The following SLC4A5 variants were observed in gnomAD, a reference collection of about 807,000 sequenced individuals.
The protein encoded by SLC4A5 is electrogenic sodium bicarbonate cotransporter 4.
A neutral mutation model predicts 120.4 loss-of-function variants in SLC4A5; 96 were observed. That is an observed-to-expected ratio of 0.80 (90% confidence interval 0.68 to 0.94). The LOEUF (loss-of-function observed/expected upper bound fraction) is 0.94, where lower values mean the gene tolerates loss of function less well. Among genes scored for constraint, SLC4A5 ranks in the 40% least tolerant of loss-of-function variants. The pLI is 0.00. For synonymous variants in SLC4A5, 550 were observed against 571.1 expected, an observed-to-expected ratio of 0.96 and a Z score of 0.53; for missense variants, 1,259 against 1,459.5, an observed-to-expected ratio of 0.86 and a Z score of 2.24.
intron 6 of SLC4A5, among the ~76,000 whole-genome samples, chr2:74,310,251 G>A (rs189671782): frequency 2.6e-5 from 4 of 152,210 alleles, no homozygotes; most frequent in African/African-American, 9.6e-5. Context: ...TGTGAACAAA[G>A]ATGTTTTATT....
intron 20 of SLC4A5, among the ~76,000 whole-genome samples, chr2:74,241,370 ATTCTTGTGCCTCAGCCTCTTG>A (rs1449890763): frequency 6.6e-6 from 1 of 151,478 alleles, no homozygotes; most frequent in Non-Finnish European, 1.5e-5. Context: ...GGTTCAAACA[ATTCTTGTGCCTCAGCCTCTTG>A]AGTAGCTGGG....
intron 23 of SLC4A5, 37 bp downstream of exon 23, chr2:74,233,361 GAAGA>G (rs1471218441): frequency 6.2e-7 from 1 of 1,607,686 alleles, no homozygotes; most frequent in Non-Finnish European, 8.5e-7. Context: ...GACTTTGTGG[GAAGA>G]AAGAGGTTAT....
At chr2:74,329,734 G>A (rs1049480240) in intron 4 of SLC4A5, among the ~76,000 whole-genome samples, 16 of 151,992 alleles carry the variant, frequency 1.1e-4, no homozygotes, top group African/African-American at 3.4e-4. Context: ...ATGGGGTATA[G>A]ATGGAGGTTC....
chr2:74,241,869 C>A (rs368955090), intron 20 of SLC4A5, 125 bp downstream of exon 20: 2 of 720,948 alleles, frequency 2.8e-6, no homozygotes, highest in African/African-American at 3.5e-5. Flanking sequence ...GTGACCCTGA[C>A]GTGCAGCTGG....
exon 31 of SLC4A5, chr2:74,217,967 C>T (rs2103853819): frequency 6.6e-6 from 1 of 152,390 alleles, no homozygotes; most frequent in Admixed American, 6.5e-5. Flanking sequence ...CCACACCCGG[C>T]TAATTTTTTG....
In SLC4A5 at chr2:74,285,921, A is replaced by T. The variant is rs1268703381; in HGVS notation, c.272-19T>A. The T allele has an allele frequency of 3.2e-6, 5 of 1,570,070 alleles. No individual in the cohort carries two copies. In the South Asian group the frequency reaches 5.8e-5, roughly 18 times the overall value. On this transcript the variant is annotated intron_variant, in intron 7 of 30. Coordinates refer to ENST00000394019, the Ensembl canonical transcript of SLC4A5. ...GGGGACCCTGCAAAAGAGGGGCAGCAGGTCTGCTGAGTGTCCCATGGAAGG... is the reference window on the plus strand; with the variant it reads ...GGGGACCCTGCAAAAGAGGGGCAGCTGGTCTGCTGAGTGTCCCATGGAAGG...
At chr2:74,300,033 AT>A (rs1445202616) in intron 7 of SLC4A5, among the ~76,000 whole-genome samples, 1 of 152,266 alleles carries the variant, frequency 6.6e-6, no homozygotes, top group Non-Finnish European at 1.5e-5. Context: ...ATGGAATATT[AT>A]TCAGCCATAA....
chr2:74,279,400 A>C (rs1171325083), intron 8 of SLC4A5, among the ~76,000 whole-genome samples: 4 of 152,056 alleles, frequency 2.6e-5, no homozygotes, highest in African/African-American at 4.8e-5. Context: ...TTTCCAGGAC[A>C]AAGCCCTCCT....
intron 17 of SLC4A5, among the ~76,000 whole-genome samples, chr2:74,249,374 T>A (rs1017260790): frequency 1.8e-4 from 28 of 152,098 alleles, no homozygotes; most frequent in African/African-American, 6.3e-4. Flanking sequence ...TAAGAAACAG[T>A]GTCCCAGGAA....
At chr2:74,325,836 G>T (rs552668752) in intron 5 of SLC4A5, among the ~76,000 whole-genome samples, 1 of 126,442 alleles carries the variant, frequency 7.9e-6, no homozygotes, top group Admixed American at 9.7e-5. Flanking sequence ...CCTAAGGAAA[G>T]AAGGAAGAAG....
chr2:74,300,336 TACC>T (rs1347403611), intron 7 of SLC4A5, among the ~76,000 whole-genome samples: 1 of 152,190 alleles, frequency 6.6e-6, no homozygotes, highest in African/African-American at 2.4e-5. Context: ...TAAGTGTTCT[TACC>T]ATACACTCGC....
intron 11 of SLC4A5, 67 bp from the exon 12 acceptor site, chr2:74,259,710 C>T: frequency 1.4e-6 from 2 of 1,473,848 alleles, no homozygotes; most frequent in South Asian, 1.1e-5. Flanking sequence ...TTCCTATGGG[C>T]CCTACTCATG....
intron 9 of SLC4A5, 98 bp downstream of exon 9, chr2:74,265,006 G>A (rs1009856948): frequency 3.0e-5 from 40 of 1,347,056 alleles, no homozygotes; most frequent in African/African-American, 1.9e-4. Context: ...TGTCAGAGAC[G>A]GGCCGTCACA....
chr2:74,269,930 T>G (rs1274839198), intron 8 of SLC4A5, among the ~76,000 whole-genome samples: 1 of 152,234 alleles, frequency 6.6e-6, no homozygotes, highest in Non-Finnish European at 1.5e-5. Context: ...AGCAAAGACA[T>G]GCAGTCCTCT....
At chr2:74,218,448 T>C (rs1694511794) in exon 31 of SLC4A5, 1 of 152,232 alleles carries the variant, frequency 6.6e-6, no homozygotes, top group South Asian at 2.1e-4. Context: ...TTTTAATTAC[T>C]ACAAAGGGGA....
chr2:74,238,345 C>G (rs952700452), intron 21 of SLC4A5, among the ~76,000 whole-genome samples: 1 of 152,000 alleles, frequency 6.6e-6, no homozygotes, highest in Non-Finnish European at 1.5e-5. Context: ...ATAATCCCAT[C>G]AAAATTCCAA....
At chr2:74,268,472 T>C (rs1412156397) in intron 8 of SLC4A5, among the ~76,000 whole-genome samples, 1 of 152,268 alleles carries the variant, frequency 6.6e-6, no homozygotes, top group Non-Finnish European at 1.5e-5. Flanking sequence ...CCTTCTAGTA[T>C]TCCACTGTCT....
At chr2:74,252,076 G>T in intron 16 of SLC4A5, 103 bp downstream of exon 16, 1 of 1,243,710 alleles carries the variant, frequency 8.0e-7, no homozygotes, top group African/African-American at 1.5e-5. Context: ...GGGTGACCTC[G>T]AGTGGGCACT....
At chr2:74,230,867 T>C (rs1158779089) in intron 25 of SLC4A5, among the ~76,000 whole-genome samples, 1 of 151,984 alleles carries the variant, frequency 6.6e-6, no homozygotes, top group East Asian at 1.9e-4. Context: ...AGTGCAGTGG[T>C]GCGATCTTGG....
Sources: gnomAD v4.1 joint callset for allele counts (sites outside exome capture counted in the v4.1 genomes callset) on GRCh38, gnomAD v4.1.1 for gene constraint, MANE v1.5 for transcripts, NCBI Gene and HGNC (gene_info 2026-07-23, HGNC 2026-07-21) for gene names.